Variants in EFCAB5 observed in about 807,000 individuals in gnomAD.
EFCAB5 encodes the protein EF-hand calcium binding domain 5, also known as EF-hand calcium-binding domain-containing protein 5.
Under a neutral mutation model 167.9 loss-of-function variants are expected in EFCAB5, and 131 were observed. The observed-to-expected ratio is 0.78, with a 90% CI of 0.68 to 0.90. The LOEUF is 0.90. Among genes scored for constraint, EFCAB5 ranks in the 40% least tolerant of loss-of-function variants. EFCAB5 has a pLI of 0.00. For missense variants in EFCAB5, 1,663 were observed against 1,745.2 expected (o/e 0.95, Z 0.84); for synonymous variants, 574 against 602.8 (o/e 0.95, Z 0.70).
Position 29,969,093 on chromosome 17 carries a change from A to G in EFCAB5, c.493A>G (p.Ser165Gly), listed in dbSNP as rs747607330. The G allele has an allele frequency of 6.2e-7, 1 of 1,613,774 alleles. No homozygotes were observed. The highest frequency in any genetic ancestry group is 8.5e-7 in the Non-Finnish European group (1 of 1,179,770). Residue 165 changes from serine (S) to glycine (G), a missense_variant, in exon 4 of 23, where the codon AGC becomes GGC. By Grantham distance (56) the Ser-to-Gly change is moderately conservative. Coordinates refer to ENST00000394835, the MANE Select transcript of EFCAB5 (RefSeq NM_198529.4). ...NLAKEWFNTD[S>G]MTLNNTAYLL... ...GGCCAAAGAGTGGTTTAATACTGAC[A>G]GCATGACACTGAATAATACTGCATA... is the stretch of plus-strand genomic sequence containing the variant.
chr17:30,062,267 T>A (rs1334249911), intron 14 of EFCAB5, among the ~76,000 whole-genome samples: 2 of 152,112 alleles, frequency 1.3e-5, no homozygotes, highest in East Asian at 3.8e-4. Context: ...CCATCTTGCA[T>A]CAGAGGAGTA....
At chr17:29,952,573 A>C (rs12600855) in intron 3 of EFCAB5, among the ~76,000 whole-genome samples, 59,118 of 152,116 alleles carry the variant, frequency 0.39, 13,452 homozygotes, top group East Asian at 0.68. Context: ...TGCAGCAGTG[A>C]AAATGAATGA....
intron 3 of EFCAB5, among the ~76,000 whole-genome samples, chr17:29,966,752 A>G (rs2067836759): frequency 6.6e-6 from 1 of 152,204 alleles, no homozygotes; most frequent in Non-Finnish European, 1.5e-5. Flanking sequence ...GAGGGGAGTC[A>G]TGCTCAACAT....
chr17:29,997,155 G>A (rs1377633422), intron 6 of EFCAB5, among the ~76,000 whole-genome samples: 1 of 151,596 alleles, frequency 6.6e-6, no homozygotes, highest in Non-Finnish European at 1.5e-5. Context: ...TGAGGCAGGA[G>A]AATCACTTGA....
At chr17:29,992,833 A>T (rs2068451185) in intron 4 of EFCAB5, among the ~76,000 whole-genome samples, 1 of 152,174 alleles carries the variant, frequency 6.6e-6, no homozygotes, top group Non-Finnish European at 1.5e-5. Flanking sequence ...ATCATGTAGT[A>T]ATTCTGTTTT....
chr17:29,986,808 C>T (rs1009841043), intron 4 of EFCAB5, among the ~76,000 whole-genome samples: 9 of 151,788 alleles, frequency 5.9e-5, no homozygotes, highest in South Asian at 2.1e-4. Flanking sequence ...CCACCTCGCC[C>T]GGCTAATTTT....
At position 30,107,840 on chromosome 17, in the gene EFCAB5, C is replaced by A. The variant is rs1230239541; in HGVS notation, c.4328C>A (p.Ser1443Tyr). The A allele has an allele frequency of 6.4e-7, 1 of 1,562,396 alleles. No homozygotes were observed. Among genetic ancestry groups the A allele is most frequent in the Non-Finnish European group, 8.6e-7 (1 of 1,160,604 alleles). ...QLIDEYIRDH[S>Y]RTEVWKFGNV... ...TTTTTTTTTCCTGATGCAGATCATT[C>A]CCGAACTGAAGTATGGAAATTTGGT... Residue 1443 changes from serine to tyrosine, a missense_variant, in exon 23 of 23, where the codon TCC (serine) becomes TAC (tyrosine). Coordinates refer to ENST00000394835, the MANE Select transcript of EFCAB5 (RefSeq NM_198529.4).
At chr17:30,014,439 G>A (rs1332413152) in intron 7 of EFCAB5, among the ~76,000 whole-genome samples, 1 of 152,056 alleles carries the variant, frequency 6.6e-6, no homozygotes, top group African/African-American at 2.4e-5. Flanking sequence ...GAGTCTAAGT[G>A]TCTTTTTAGG....
chr17:30,084,557 G>A (rs1269238664), intron 18 of EFCAB5, among the ~76,000 whole-genome samples: 4 of 152,142 alleles, frequency 2.6e-5, no homozygotes, highest in African/African-American at 7.2e-5. Flanking sequence ...AAAGTCGGGG[G>A]AGAGAAGGAC....
At chr17:30,002,141 C>T (rs2068675922) in intron 7 of EFCAB5, among the ~76,000 whole-genome samples, 1 of 152,098 alleles carries the variant, frequency 6.6e-6, no homozygotes, top group African/African-American at 2.4e-5. Flanking sequence ...ATCTCTTGAT[C>T]ATTTCTCTAT....
upstream of EFCAB5, among the ~76,000 whole-genome samples, chr17:29,937,168 G>A (rs1034182792): frequency 5.3e-5 from 8 of 152,002 alleles, no homozygotes; most frequent in African/African-American, 1.7e-4. Flanking sequence ...ATTGGTGTGA[G>A]GTAGCTTTCA....
Position 30,092,098 on chromosome 17 carries a change from T to C in EFCAB5, c.4165T>C (p.Phe1389Leu), listed in dbSNP as rs374654623. Reference protein sequence around the residue: ...VRDILKAVILFFHPELEFSSD... With the variant: ...VRDILKAVILLFHPELEFSSD... ...TGACATCCTGAAGGCGGTTATCTTG[T>C]TCTTTCATCCAGAGTTGGAATTTTC... The change falls in exon 21 of 23, where the codon TTC becomes CTC. Residue 1389 changes from phenylalanine to leucine, a missense_variant. Physicochemically the swap from Phe to Leu is conservative, Grantham distance 22 (BLOSUM62 0). Transcript: ENST00000394835. The C allele has an allele frequency of 6.2e-6, 10 of 1,613,918 alleles. No individual in the cohort carries two copies. The African/African-American group carries it at 1.2e-4, about 19-fold the overall frequency.
At chr17:30,009,672 A>C (rs115057183) in intron 7 of EFCAB5, among the ~76,000 whole-genome samples, 7 of 152,272 alleles carry the variant, frequency 4.6e-5, no homozygotes, top group South Asian at 2.1e-4. Context: ...TTTTTTGGCT[A>C]CTGTAAATAA....
rs113026255 is a variant in EFCAB5, at chr17:29,972,142, A to G, written c.767+2775A>G. Reference sequence around the variant, plus strand: ...AAGCTCTGCCTCCCGGGTTCACGCCATTCTCCTACCTCAGCCTCCCGAGTA... The same window carrying G: ...AAGCTCTGCCTCCCGGGTTCACGCCGTTCTCCTACCTCAGCCTCCCGAGTA... On this transcript the variant is annotated intron_variant, in intron 4 of 22. Coordinates refer to ENST00000394835, the MANE Select transcript of EFCAB5 (RefSeq NM_198529.4). Among the ~76,000 whole-genome samples, 5 of 149,384 alleles carry G rather than the reference A, an allele frequency of 3.3e-5. No individual in the cohort carries two copies. In the East Asian group the frequency reaches 9.9e-4, roughly 30 times the overall value.
chr17:30,068,697 G>A (rs1410179209), intron 14 of EFCAB5: 2 of 1,572,488 alleles, frequency 1.3e-6, no homozygotes, highest in Non-Finnish European at 1.7e-6. Context: ...ACAAGGCACT[G>A]GGAGTGGCAG....
chr17:29,968,681 C>A (rs1184247430), intron 3 of EFCAB5, 110 bp from the exon 4 acceptor site: 3 of 811,296 alleles, frequency 3.7e-6, no homozygotes, highest in Admixed American at 7.2e-5. Flanking sequence ...GACATTCTTC[C>A]AATCCACTGT....
At chr17:29,966,564 T>C (rs888936679) in intron 3 of EFCAB5, among the ~76,000 whole-genome samples, 2 of 152,214 alleles carry the variant, frequency 1.3e-5, no homozygotes, top group East Asian at 3.8e-4. Context: ...CATATACTCA[T>C]ATACGTATAC....
rs115600840 is a variant in EFCAB5 at position 29,973,388 on chromosome 17, T to C, written c.767+4021T>C. Reference sequence around the variant, plus strand: ...AAATTCGCTGTGCTGAGAAAAGAAATATGTAATTTAAAAAATGAGTTAATA... The same window carrying C: ...AAATTCGCTGTGCTGAGAAAAGAAACATGTAATTTAAAAAATGAGTTAATA... On this transcript the variant is annotated intron_variant, in intron 4 of 22. Transcript: ENST00000394835. Among the ~76,000 whole-genome samples, 936 of 152,192 alleles carry C rather than the reference T, an allele frequency of 6.2e-3. 7 individuals are homozygous for C. The highest frequency in any genetic ancestry group is 0.022 in the African/African-American group (894 of 41,526).
intron 7 of EFCAB5, among the ~76,000 whole-genome samples, chr17:30,016,258 A>G (rs2069040158): frequency 6.6e-6 from 1 of 152,028 alleles, no homozygotes; most frequent in South Asian, 2.1e-4. Flanking sequence ...ATGAAGCCCA[A>G]TTTGTCTATT....
Sources: allele counts gnomAD v4.1 joint callset (sites outside exome capture counted in the v4.1 genomes callset), GRCh38; gene constraint gnomAD v4.1.1; transcripts MANE v1.5; gene names NCBI Gene and HGNC (gene_info 2026-07-23, HGNC 2026-07-21).